Variants in MMP16 observed in about 807,000 individuals in gnomAD.
The protein encoded by MMP16 is matrix metallopeptidase 16, also known as matrix metalloproteinase-16.
Under a neutral mutation model 67.8 loss-of-function variants are expected in MMP16, and 12 were observed. That is an observed-to-expected ratio of 0.18 (90% CI 0.11 to 0.29). The LOEUF (loss-of-function observed/expected upper bound fraction) is 0.29. Ranked by LOEUF, MMP16 falls within the 10% of genes least tolerant of loss-of-function variation. The pLI is 1.00. For synonymous variants in MMP16, 249 were observed against 255.9 expected (o/e 0.97, Z 0.26); for missense variants, 475 against 765.7 (o/e 0.62, Z 4.48).
In MMP16 at chr8:88,035,318, G is replaced by C. The variant is rs570563772; in HGVS notation, c.*6143C>G. The C allele has an allele frequency of 1.2e-4, 18 of 152,134 alleles. No individual in the cohort carries two copies. The highest frequency in any genetic ancestry group is 3.9e-4 in the African/African-American group (16 of 41,524). 9.4% of individuals were successfully genotyped at this position (152,134 alleles called of 1,614,324 possible). A position where few individuals can be genotyped will look rare whatever the true frequency, so the allele number is the denominator to read the frequency against. On this transcript the variant is annotated 3_prime_UTR_variant, in exon 10 of 10. Coordinates refer to ENST00000286614, the MANE Select transcript of MMP16 (RefSeq NM_005941.5). The surrounding 1 kb of genome is among the most constrained non-coding windows in gnomAD (Gnocchi z 4.7). ...TTATATGAATCTGTACAACATTCTA[G>C]TTTATGATGTATTTTCCTATACTGT...
Position 88,039,890 on chromosome 8 carries a change from C to T in MMP16, c.*1571G>A, listed in dbSNP as rs1808108099. On this transcript the variant is annotated 3_prime_UTR_variant, in exon 10 of 10. Coordinates refer to ENST00000286614, the MANE Select transcript of MMP16 (RefSeq NM_005941.5). The surrounding 1 kb of genome is among the most constrained non-coding windows in gnomAD (Gnocchi z 4.5). ...AATACTGCTGTTAGGACAAATTACA[C>T]TCAACAATGAAATGCTTTGGTGGTC... The T allele has an allele frequency of 6.6e-6, 1 of 152,630 alleles. No individual in the cohort carries two copies. The highest frequency in any genetic ancestry group is 2.4e-5 in the African/African-American group (1 of 41,460). The allele number at this position is 152,630 out of a possible 1,614,324, so 9.5% of individuals were successfully genotyped here. A position where few individuals can be genotyped will look rare whatever the true frequency, so the allele number is the denominator to read the frequency against.
At chr8:88,209,103 A>G (rs1263124894) in intron 1 of MMP16, among the ~76,000 whole-genome samples, 1 of 152,164 alleles carries the variant, frequency 6.6e-6, no homozygotes, top group Non-Finnish European at 1.5e-5. Flanking sequence ...TAAAGCAATC[A>G]GTGGAGGAAG....
intron 1 of MMP16, among the ~76,000 whole-genome samples, chr8:88,297,067 T>G (rs997935162): frequency 2.0e-5 from 3 of 152,154 alleles, no homozygotes; most frequent in Admixed American, 6.6e-5. Context: ...ACTTCCATAT[T>G]TTACTGTTTC....
At chr8:88,260,979 A>T (rs1480235384) in intron 1 of MMP16, among the ~76,000 whole-genome samples, 3 of 152,176 alleles carry the variant, frequency 2.0e-5, no homozygotes, top group African/African-American at 7.2e-5. Flanking sequence ...CAGATAACAA[A>T]TGCACTTTAA....
chr8:88,097,711 A>G (rs530128386), intron 6 of MMP16, among the ~76,000 whole-genome samples: 7 of 151,800 alleles, frequency 4.6e-5, no homozygotes, highest in African/African-American at 1.7e-4. Context: ...CAGCCTTCCA[A>G]CCTGCAAATG....
At chr8:88,181,861 T>C (rs890975776) in intron 3 of MMP16, among the ~76,000 whole-genome samples, 1 of 152,042 alleles carries the variant, frequency 6.6e-6, no homozygotes, top group African/African-American at 2.4e-5. Context: ...CAAAAATTGA[T>C]CACCACAAAT....
At chr8:88,249,445 A>T (rs1006570117) in intron 1 of MMP16, among the ~76,000 whole-genome samples, 4 of 152,094 alleles carry the variant, frequency 2.6e-5, no homozygotes, top group Non-Finnish European at 4.4e-5. Context: ...GATCTTTCTG[A>T]TATTACAATT....
intron 1 of MMP16, among the ~76,000 whole-genome samples, chr8:88,273,650 G>GT (rs1563580515): frequency 6.6e-6 from 1 of 152,062 alleles, no homozygotes; most frequent in South Asian, 2.1e-4. Flanking sequence ...AATTTAAAGG[G>GT]TTTTTTAACC....
At chr8:88,137,618 GTT>G (rs1316706630) in intron 4 of MMP16, among the ~76,000 whole-genome samples, 1 of 151,864 alleles carries the variant, frequency 6.6e-6, no homozygotes, top group African/African-American at 2.4e-5. Context: ...GTGGTGTGAT[GTT>G]TTTCATCTGT....
chr8:88,175,913 C>A (rs1257670420), intron 3 of MMP16, among the ~76,000 whole-genome samples: 1 of 152,186 alleles, frequency 6.6e-6, no homozygotes, highest in African/African-American at 2.4e-5. Context: ...TTGCCTGCTG[C>A]CATGTAAGTT....
rs551435075 is a variant in MMP16, at chr8:88,180,375, CTA to C, written c.404+6099_404+6100del. Among the ~76,000 whole-genome samples the C allele has an allele frequency of 7.0e-3, 1,057 of 151,590 alleles. 6 individuals are homozygous for C. The highest frequency in any genetic ancestry group is 0.011 in the Non-Finnish European group (715 of 67,906). On this transcript the variant is annotated intron_variant, in intron 3 of 9. Coordinates refer to ENST00000286614, the MANE Select transcript of MMP16 (RefSeq NM_005941.5). ...TAACAAAAACAGAAAGCAAGTCCTGCTATATGTTTCCTGCAAGAAACCTGCCT... is the reference window on the plus strand; with the variant it reads ...TAACAAAAACAGAAAGCAAGTCCTGCTATGTTTCCTGCAAGAAACCTGCCT...
intron 4 of MMP16, among the ~76,000 whole-genome samples, chr8:88,157,256 A>C (rs1808525617): frequency 6.6e-6 from 1 of 152,138 alleles, no homozygotes. Context: ...ATTCTCTAAA[A>C]AATTACAGTA....
At chr8:88,145,513 G>C (rs1808276554) in intron 4 of MMP16, among the ~76,000 whole-genome samples, 1 of 151,842 alleles carries the variant, frequency 6.6e-6, no homozygotes, top group Non-Finnish European at 1.5e-5. Flanking sequence ...AATTTCAATA[G>C]AGAAATAAGC....
In MMP16 at chr8:88,147,036, C is replaced by CAACA. The variant is rs199621851; in HGVS notation, c.709+20632_709+20633insTGTT. On this transcript the variant is annotated intron_variant, in intron 4 of 9. Transcript: ENST00000286614. ...ATAGTAGAATTTTAATTTATTACAA[C>CAACA]AACTTTACTTTGTAAGTGGCAAGTT... Among the ~76,000 whole-genome samples, 288 of 152,072 alleles carry CAACA rather than the reference C, an allele frequency of 1.9e-3. No homozygotes were observed. In the East Asian group the frequency reaches 0.025, roughly 13 times the overall value.
chr8:88,318,613 A>G (rs967286338), intron 1 of MMP16, among the ~76,000 whole-genome samples: 1 of 152,132 alleles, frequency 6.6e-6, no homozygotes, highest in Non-Finnish European at 1.5e-5. Context: ...GTCTGCTTTG[A>G]TTTTAGGCTA....
Position 88,177,195 on chromosome 8 carries a change from C to T in MMP16, c.405-9222G>A, listed in dbSNP as rs564567615. Among the ~76,000 whole-genome samples the T allele has an allele frequency of 3.8e-3, 575 of 152,136 alleles. 5 individuals carry two copies. The highest frequency in any genetic ancestry group is 5.7e-3 in the Non-Finnish European group (385 of 68,010). ...ACACTTGAACTGCTTTTTATGTGGG[C>T]ACATGTGTGTATATATTTCGTATGT... On this transcript the variant is annotated intron_variant, in intron 3 of 9. Transcript: ENST00000286614.
chr8:88,290,111 T>C (rs562835603), intron 1 of MMP16, among the ~76,000 whole-genome samples: 1 of 152,122 alleles, frequency 6.6e-6, no homozygotes, highest in Non-Finnish European at 1.5e-5. Context: ...ACAAATAAAT[T>C]ACCACAAATG....
At chr8:88,241,536 T>C (rs1415340862) in intron 1 of MMP16, among the ~76,000 whole-genome samples, 1 of 152,112 alleles carries the variant, frequency 6.6e-6, no homozygotes, top group African/African-American at 2.4e-5. Context: ...TTTCTCTTTC[T>C]TTTTTAAAAA....
chr8:88,208,977 T>C (rs1422773381), intron 1 of MMP16, among the ~76,000 whole-genome samples: 2 of 151,886 alleles, frequency 1.3e-5, no homozygotes, highest in Non-Finnish European at 2.9e-5. Context: ...CCGTGCCAGA[T>C]GAGGAAGAAG....
Sources: gnomAD v4.1 joint callset for allele counts (sites outside exome capture counted in the v4.1 genomes callset) on GRCh38, gnomAD v4.1.1 for gene constraint, Gnocchi (gnomAD v3.1) non-coding constraint, MANE v1.5 for transcripts, NCBI Gene and HGNC (gene_info 2026-07-23, HGNC 2026-07-21) for gene names.